XKR9: variants seen among roughly 807,000 people sequenced by gnomAD.
The protein encoded by XKR9 is XK related 9.
In XKR9, 32 loss-of-function variants were observed where a neutral mutation model predicts 32.0. The observed-to-expected ratio is 1.00, with a 90% CI of 0.76 to 1.34. The LOEUF is 1.34. XKR9 is among the 40% of genes most tolerant of loss of function. XKR9 has a pLI of 0.00. For missense variants in XKR9, 546 were observed against 429.7 expected, an observed-to-expected ratio of 1.27 and a Z score of -2.39; for synonymous variants, 168 against 143.4, an observed-to-expected ratio of 1.17 and a Z score of -1.22.
intron 2 of XKR9, among the ~76,000 whole-genome samples, chr8:70,763,325 G>A (rs986286721): frequency 3.9e-5 from 6 of 152,118 alleles, no homozygotes; most frequent in South Asian, 4.1e-4. Context: ...CATGTTTGTG[G>A]ACTCTTTTGG....
chr8:70,965,275 C>A, the XKR9 span, among the ~76,000 whole-genome samples: 1 of 152,166 alleles, frequency 6.6e-6, no homozygotes. Flanking sequence ...GCTGAATCAA[C>A]CTTGCATCCT....
At chr8:71,050,864 G>A in the XKR9 span, among the ~76,000 whole-genome samples, 5 of 152,126 alleles carry the variant, frequency 3.3e-5, no homozygotes, top group Admixed American at 6.5e-5. Context: ...TTCTAGGAGC[G>A]ATTCAGAATG....
chr8:71,024,875 G>A, the XKR9 span, among the ~76,000 whole-genome samples: 1 of 152,146 alleles, frequency 6.6e-6, no homozygotes, highest in Non-Finnish European at 1.5e-5. Flanking sequence ...TGTTCTATTT[G>A]AAGTATGATT....
chr8:70,968,529 GT>G, the XKR9 span, among the ~76,000 whole-genome samples: 3 of 151,618 alleles, frequency 2.0e-5, no homozygotes, highest in Admixed American at 6.6e-5. Context: ...GGTTTTTTGA[GT>G]TTTTAGCATT....
At position 70,735,525 on chromosome 8, in the gene XKR9, C is replaced by T. The variant is rs927115700; in HGVS notation, c.*1101C>T. The T allele has an allele frequency of 1.3e-5, 2 of 151,166 alleles. No individual in the cohort carries two copies. The highest frequency in any genetic ancestry group is 3.2e-3 in the Middle Eastern group (1 of 312). 9.4% of individuals were successfully genotyped at this position (151,166 alleles called of 1,614,324 possible). On this transcript the variant is annotated 3_prime_UTR_variant, in exon 5 of 5. Transcript: ENST00000408926. ...ATGTGCACAATGTGCAGGTTAGTTA[C>T]ATATGTATACATGTGCCATGCTGGT...
chr8:70,723,765 G>A (rs1235010718), intron 4 of XKR9, among the ~76,000 whole-genome samples: 1 of 152,146 alleles, frequency 6.6e-6, no homozygotes, highest in East Asian at 1.9e-4. Context: ...CTGCTGGGAT[G>A]CGCCTCCCAG....
At chr8:71,011,808 A>G in the XKR9 span, among the ~76,000 whole-genome samples, 1 of 152,232 alleles carries the variant, frequency 6.6e-6, no homozygotes, top group African/African-American at 2.4e-5. Context: ...AAATTTGATG[A>G]AAACATCCGG....
chr8:70,883,970 TC>T, the XKR9 span, among the ~76,000 whole-genome samples: 1 of 152,200 alleles, frequency 6.6e-6, no homozygotes, highest in East Asian at 1.9e-4. Flanking sequence ...AGACTGTCTT[TC>T]AAAATGGCTG....
the XKR9 span, among the ~76,000 whole-genome samples, chr8:71,021,224 G>C: frequency 6.6e-5 from 10 of 152,120 alleles, no homozygotes; most frequent in African/African-American, 2.4e-4. Context: ...CTGCCTCCAT[G>C]ACCCAAACAC....
At chr8:71,053,973 C>T in the XKR9 span, among the ~76,000 whole-genome samples, 1 of 152,190 alleles carries the variant, frequency 6.6e-6, no homozygotes, top group African/African-American at 2.4e-5. Context: ...GTTCAACAGT[C>T]TCAGCTAAGT....
chr8:70,753,503 G>C (rs895306539), intron 2 of XKR9, among the ~76,000 whole-genome samples: 3 of 152,184 alleles, frequency 2.0e-5, no homozygotes, highest in Admixed American at 2.0e-4. Context: ...GAACATTGTT[G>C]CAAAAGTCCT....
chr8:70,748,715 C>G (rs1323356713), intron 2 of XKR9, among the ~76,000 whole-genome samples: 2 of 152,190 alleles, frequency 1.3e-5, no homozygotes, highest in African/African-American at 4.8e-5. Context: ...CCAGGGACAG[C>G]CTGAAGCCTG....
chr8:70,717,738 A>G (rs1806139943), intron 4 of XKR9, among the ~76,000 whole-genome samples: 1 of 152,170 alleles, frequency 6.6e-6, no homozygotes, highest in African/African-American at 2.4e-5. Context: ...TTAACATTCG[A>G]CTGCGTAATA....
the XKR9 span, among the ~76,000 whole-genome samples, chr8:70,800,853 G>A: frequency 6.6e-6 from 1 of 151,936 alleles, no homozygotes; most frequent in Non-Finnish European, 1.5e-5. Flanking sequence ...TTATCAGTGT[G>A]TTCAGGGATT....
the XKR9 span, among the ~76,000 whole-genome samples, chr8:70,877,606 T>G: frequency 6.6e-6 from 1 of 151,900 alleles, no homozygotes; most frequent in Non-Finnish European, 1.5e-5. Context: ...AAAACAAGGT[T>G]AAAGAAAAAA....
At position 70,735,466 on chromosome 8, in the gene XKR9, T is replaced by C. The variant is rs192515729; in HGVS notation, c.*1042T>C. On this transcript the variant is annotated 3_prime_UTR_variant, in exon 5 of 5. Transcript: ENST00000408926. ...TTTTAATTTTTTAATTTTATATTAT[T>C]ATTATTATTATTATACTTTAAGGTT... 2 of 150,720 alleles carry C rather than the reference T, an allele frequency of 1.3e-5. No individual in the cohort carries two copies. Among genetic ancestry groups the C allele is most frequent in the Admixed American group, 1.3e-4 (2 of 15,086 alleles). 9.3% of individuals were successfully genotyped at this position (150,720 alleles called of 1,614,324 possible).
chr8:71,054,140 A>C, the XKR9 span, among the ~76,000 whole-genome samples: 1 of 152,218 alleles, frequency 6.6e-6, no homozygotes, highest in Admixed American at 6.5e-5. Flanking sequence ...AATCACAAAA[A>C]TTAACAGTAT....
the XKR9 span, among the ~76,000 whole-genome samples, chr8:70,977,423 G>A: frequency 1.7e-4 from 26 of 152,262 alleles, no homozygotes; most frequent in Non-Finnish European, 3.8e-4. Flanking sequence ...CTTTAAATGT[G>A]TCCCAGAGAT....
the XKR9 span, among the ~76,000 whole-genome samples, chr8:70,840,489 A>C: frequency 1.7e-4 from 26 of 152,180 alleles, no homozygotes; most frequent in Non-Finnish European, 3.2e-4. Context: ...AAATCCTCAG[A>C]TAAAGTAATC....
Sources: gnomAD v4.1 joint callset for allele counts (sites outside exome capture counted in the v4.1 genomes callset) on GRCh38, gnomAD v4.1.1 for gene constraint, MANE v1.5 for transcripts, NCBI Gene and HGNC (gene_info 2026-07-23, HGNC 2026-07-21) for gene names.